The following FAM20A variants were observed in gnomAD, a reference collection of about 807,000 sequenced individuals.
The protein encoded by FAM20A is FAM20A golgi associated secretory pathway pseudokinase.
A neutral mutation model predicts 52.0 loss-of-function variants in FAM20A; 42 were observed. The observed-to-expected ratio is 0.81, with a 90% CI of 0.63 to 1.04. The LOEUF (loss-of-function observed/expected upper bound fraction) is 1.04. Ranked by LOEUF, FAM20A falls within the 50% of genes least tolerant of loss-of-function variation. The pLI is 0.00. For missense variants in FAM20A, 742 were observed against 712.7 expected, an observed-to-expected ratio of 1.04 and a Z score of -0.47; for synonymous variants, 304 against 298.9, an observed-to-expected ratio of 1.02 and a Z score of -0.18.
At chr17:68,565,458 G>C (rs1465761513) in intron 1 of FAM20A, among the ~76,000 whole-genome samples, 1 of 143,850 alleles carries the variant, frequency 7.0e-6, no homozygotes, top group Non-Finnish European at 1.5e-5. Flanking sequence ...CAGTGGCCCG[G>C]TCTTGGTTCA....
At chr17:68,552,387 A>G (rs192908401) in intron 3 of FAM20A, among the ~76,000 whole-genome samples, 20 of 152,308 alleles carry the variant, frequency 1.3e-4, no homozygotes, top group Non-Finnish European at 2.5e-4. Flanking sequence ...GTAGATTCTA[A>G]TTATGCCTTC....
At chr17:68,540,498 G>A (rs1434470743) in intron 8 of FAM20A, 3 of 474,576 alleles carry the variant, frequency 6.3e-6, no homozygotes, top group Non-Finnish European at 1.3e-5. Flanking sequence ...CCGTGGCCTC[G>A]CCTGAGGCCC....
At chr17:68,561,441 A>G (rs1167532660) in intron 1 of FAM20A, among the ~76,000 whole-genome samples, 1 of 152,310 alleles carries the variant, frequency 6.6e-6, no homozygotes, top group East Asian at 1.9e-4. Flanking sequence ...TCTTTGTCAG[A>G]CAAAACATTT....
chr17:68,558,839 A>ACCT (rs2087129775), intron 1 of FAM20A, among the ~76,000 whole-genome samples: 1 of 151,572 alleles, frequency 6.6e-6, no homozygotes, highest in African/African-American at 2.4e-5. Context: ...GCTCACTGCA[A>ACCT]CCTCTACCTC....
chr17:68,546,025 C>G (rs183849238), intron 4 of FAM20A, among the ~76,000 whole-genome samples: 105 of 151,958 alleles, frequency 6.9e-4, no homozygotes, highest in African/African-American at 2.5e-3. Context: ...AAAAATTAGC[C>G]AGGCATGGTG....
At chr17:68,592,172 G>A (rs1017285507) in intron 1 of FAM20A, among the ~76,000 whole-genome samples, 3 of 152,138 alleles carry the variant, frequency 2.0e-5, no homozygotes, top group Non-Finnish European at 4.4e-5. Context: ...ATGGAATTGA[G>A]GTTGGTCAAT....
intron 1 of FAM20A, among the ~76,000 whole-genome samples, chr17:68,599,652 GAAC>G (rs1267403069): frequency 8.5e-5 from 13 of 152,166 alleles, no homozygotes; most frequent in African/African-American, 3.1e-4. Context: ...TTTTAAATGT[GAAC>G]AATGGGGTGG....
intron 4 of FAM20A, chr17:68,551,008 C>T: frequency 8.6e-7 from 1 of 1,168,370 alleles, no homozygotes; most frequent in East Asian, 3.2e-5. Context: ...TTGTATTCCA[C>T]TGGAAGAAGC....
chr17:68,597,993 C>T (rs2143949744), intron 1 of FAM20A: 1 of 142,784 alleles, frequency 7.0e-6, no homozygotes, highest in African/African-American at 2.6e-5. Context: ...GCTAATGAAT[C>T]TTCTGTATGG....
chr17:68,543,387 C>T (rs1254669347), intron 5 of FAM20A, among the ~76,000 whole-genome samples: 2 of 152,082 alleles, frequency 1.3e-5, no homozygotes, highest in Admixed American at 6.5e-5. Context: ...AGCAGCATGG[C>T]GGGAAGCGTG....
chr17:68,580,971 T>A (rs925508445), intron 1 of FAM20A, among the ~76,000 whole-genome samples: 4 of 152,164 alleles, frequency 2.6e-5, no homozygotes, highest in Admixed American at 2.0e-4. Flanking sequence ...TCTGAATATG[T>A]GTAAGATACT....
intron 1 of FAM20A, among the ~76,000 whole-genome samples, chr17:68,577,710 A>G (rs2087813088): frequency 6.6e-6 from 1 of 152,214 alleles, no homozygotes; most frequent in Admixed American, 6.5e-5. Context: ...GGTGTAATTT[A>G]ATATTTTCCA....
chr17:68,582,747 C>G lies in FAM20A; in HGVS notation c.404+17516G>C, dbSNP rs150035913. On this transcript the variant is annotated intron_variant, in intron 1 of 10. Transcript: ENST00000592554. ...GGCTTGGAGGAAATGAGCCTTGGCCCTGCATAGCGCTTATGTGGAAGAGCC... is the reference window on the plus strand; with the variant it reads ...GGCTTGGAGGAAATGAGCCTTGGCCGTGCATAGCGCTTATGTGGAAGAGCC... Among the ~76,000 whole-genome samples, 690 of 149,884 alleles carry G rather than the reference C, an allele frequency of 4.6e-3. 8 individuals are homozygous for G. Among genetic ancestry groups the G allele is most frequent in the African/African-American group, 0.015 (614 of 40,722 alleles).
intron 4 of FAM20A, among the ~76,000 whole-genome samples, chr17:68,544,432 A>C (rs1442477210): frequency 6.6e-6 from 1 of 152,160 alleles, no homozygotes; most frequent in Non-Finnish European, 1.5e-5. Context: ...TTGTGGTGTG[A>C]GTTCTGGCCT....
Position 68,559,615 on chromosome 17 carries a change from AG to A in FAM20A, c.405-3873del, listed in dbSNP as rs1224452332. ...AGAAGAGTATTTCTTTCAGAAAAAA[AG>A]AGCATTTTAAAACGTTTGATTTTAC... is the stretch of plus-strand genomic sequence containing the variant. On this transcript the variant is annotated intron_variant, in intron 1 of 10. Coordinates refer to ENST00000592554, the MANE Select transcript of FAM20A (RefSeq NM_017565.4). 1.1e-4 allele frequency among the ~76,000 whole-genome samples: 16 copies of A among 152,236 alleles called. No homozygotes were observed. In the East Asian group the frequency reaches 3.1e-3, roughly 29 times the overall value.
In FAM20A at chr17:68,553,185, G is replaced by A. The variant is rs894243334; in HGVS notation, c.641-1234C>T. ...CTCACGAGATCTCATGGTTTTATAA[G>A]GGGCTCTTCCCCCTTTGCATCCTCT... On this transcript the variant is annotated intron_variant, in intron 3 of 10. Coordinates refer to ENST00000592554, the MANE Select transcript of FAM20A (RefSeq NM_017565.4). 8.8e-4 allele frequency among the ~76,000 whole-genome samples: 134 copies of A among 152,074 alleles called. 1 individual carries two copies. Among genetic ancestry groups the A allele is most frequent in the Admixed American group, 8.6e-3 (132 of 15,262 alleles).
chr17:68,553,006 G>T (rs2086915147), intron 3 of FAM20A, among the ~76,000 whole-genome samples: 1 of 152,132 alleles, frequency 6.6e-6, no homozygotes, highest in Non-Finnish European at 1.5e-5. Context: ...AAACCTTAGT[G>T]ATATGGTTAG....
intron 1 of FAM20A, among the ~76,000 whole-genome samples, chr17:68,561,357 A>T (rs1320257458): frequency 1.3e-5 from 2 of 152,230 alleles, no homozygotes; most frequent in Non-Finnish European, 2.9e-5. Context: ...TCCGCCCTCC[A>T]GGATGACTAG....
chr17:68,570,528 G>A (rs1325803288), intron 1 of FAM20A, among the ~76,000 whole-genome samples: 2 of 152,204 alleles, frequency 1.3e-5, no homozygotes. Context: ...AGGAGAAGTT[G>A]ATTTGCATGC....
Sources: gnomAD v4.1 joint callset for allele counts (sites outside exome capture counted in the v4.1 genomes callset) on GRCh38, gnomAD v4.1.1 for gene constraint, MANE v1.5 for transcripts, NCBI Gene and HGNC (gene_info 2026-07-23, HGNC 2026-07-21) for gene names.